ADGRG6: variants seen among roughly 807,000 people sequenced by gnomAD.
ADGRG6 encodes adhesion G protein-coupled receptor G6.
Under a neutral mutation model 142.4 loss-of-function variants are expected in ADGRG6, and 84 were observed. The ratio of observed to expected loss-of-function variants is 0.59; its 90% confidence interval spans 0.49 to 0.71. The LOEUF (loss-of-function observed/expected upper bound fraction) is 0.71, where lower values mean the gene tolerates loss of function less well. ADGRG6 is among the 30% of genes least tolerant of loss of function. The pLI, the probability that ADGRG6 is intolerant of heterozygous loss-of-function variation, is 0.00. For missense variants in ADGRG6, 1,367 were observed against 1,466.6 expected, an observed-to-expected ratio of 0.93 and a Z score of 1.11; for synonymous variants, 521 against 520.5, an observed-to-expected ratio of 1.00 and a Z score of -0.01.
chr6:142,398,942 TCCC>T (rs1438976920), intron 10 of ADGRG6, among the ~76,000 whole-genome samples: 1 of 152,152 alleles, frequency 6.6e-6, no homozygotes, highest in Non-Finnish European at 1.5e-5. Flanking sequence ...AACTCTTACT[TCCC>T]ACATATTTCC....
At chr6:142,408,987 G>C (rs948561797) in intron 16 of ADGRG6, among the ~76,000 whole-genome samples, 1 of 152,062 alleles carries the variant, frequency 6.6e-6, no homozygotes, top group East Asian at 1.9e-4. Flanking sequence ...CTTTGTTTCA[G>C]CCCCTTCATT....
At chr6:142,374,796 A>G (rs545948317) in intron 4 of ADGRG6, among the ~76,000 whole-genome samples, 1 of 152,332 alleles carries the variant, frequency 6.6e-6, no homozygotes, top group African/African-American at 2.4e-5. Flanking sequence ...TAATTGATTG[A>G]TAAGAACTAT....
intron 4 of ADGRG6, among the ~76,000 whole-genome samples, chr6:142,375,281 T>C (rs951287105): frequency 6.6e-6 from 1 of 152,218 alleles, no homozygotes; most frequent in Non-Finnish European, 1.5e-5. Flanking sequence ...AAAGTAATTT[T>C]GTCAAAAGGG....
Position 142,443,640 on chromosome 6 carries a change from TAAG to T in ADGRG6, c.*129_*131del. The T allele has an allele frequency of 1.7e-6, 1 of 578,960 alleles. No homozygotes were observed. Among genetic ancestry groups the T allele is most frequent in the South Asian group, 3.1e-5 (1 of 32,298 alleles). 35.9% of individuals were successfully genotyped at this position (578,960 alleles called of 1,614,324 possible). On this transcript the variant is annotated 3_prime_UTR_variant, in exon 25 of 25. Transcript: ENST00000367609. ...CATATATATAAGGAATGTATTTTGT[TAAG>T]AAGGCTTTTGTGAAATTCAGAATTT...
In ADGRG6 at chr6:142,398,891, A is replaced by G. The variant is rs138471047; in HGVS notation, c.1567+1136A>G. Among the ~76,000 whole-genome samples, 222 of 152,274 alleles carry G rather than the reference A, an allele frequency of 1.5e-3. 3 individuals are homozygous for G. Among genetic ancestry groups the G allele is most frequent in the African/African-American group, 5.0e-3 (209 of 41,552 alleles). On this transcript the variant is annotated intron_variant, in intron 10 of 24. Transcript: ENST00000367609. ...ATATATATATGTATATATTCTGTAA[A>G]CAATAATCTCTGACTTAAGATCATA... is the stretch of plus-strand genomic sequence containing the variant.
intron 22 of ADGRG6, among the ~76,000 whole-genome samples, chr6:142,423,544 C>T (rs1459837142): frequency 1.3e-5 from 2 of 149,620 alleles, no homozygotes; most frequent in Non-Finnish European, 1.5e-5. Context: ...TGTTTTGGTA[C>T]CAGTACCATG....
chr6:142,419,751 T>A (rs932726414), intron 21 of ADGRG6, 70 bp from the exon 22 acceptor site: 27 of 1,244,706 alleles, frequency 2.2e-5, no homozygotes, highest in Admixed American at 2.6e-5. Context: ...CAAACTAAGC[T>A]GAGAAAAGTC....
chr6:142,336,119 G>A (rs1243124798), intron 2 of ADGRG6, among the ~76,000 whole-genome samples: 2 of 152,144 alleles, frequency 1.3e-5, no homozygotes, highest in Non-Finnish European at 2.9e-5. Context: ...CTCTCTGTGT[G>A]CAGGTCTATG....
intron 2 of ADGRG6, among the ~76,000 whole-genome samples, chr6:142,346,081 T>C (rs1185041374): frequency 6.6e-6 from 1 of 152,178 alleles, no homozygotes; most frequent in Non-Finnish European, 1.5e-5. Flanking sequence ...GATAGTGGGC[T>C]GCCTTTAGGA....
intron 2 of ADGRG6, among the ~76,000 whole-genome samples, chr6:142,361,630 C>A (rs2114828211): frequency 6.6e-6 from 1 of 152,230 alleles, no homozygotes; most frequent in Middle Eastern, 3.4e-3. Context: ...AAGTTCTTAT[C>A]AACTGAGTTC....
chr6:142,331,605 A>G (rs1374831522), intron 2 of ADGRG6, among the ~76,000 whole-genome samples: 1 of 152,216 alleles, frequency 6.6e-6, no homozygotes, highest in African/African-American at 2.4e-5. Context: ...CCTGAAATGC[A>G]GTGTTATTTA....
intron 21 of ADGRG6, among the ~76,000 whole-genome samples, chr6:142,417,733 C>T (rs980249414): frequency 1.3e-5 from 2 of 152,042 alleles, no homozygotes; most frequent in Admixed American, 1.3e-4. Flanking sequence ...TGATTCATTG[C>T]CAATGGGAGT....
chr6:142,415,507 C>A (rs1562378706), intron 19 of ADGRG6, among the ~76,000 whole-genome samples: 3 of 151,952 alleles, frequency 2.0e-5, no homozygotes, highest in Non-Finnish European at 4.4e-5. Flanking sequence ...GTCATTCTTA[C>A]AACTCTAGAA....
Position 142,382,011 on chromosome 6 carries a change from T to C in ADGRG6, c.1130T>C (p.Leu377Pro), listed in dbSNP as rs1781794079. Residue 377 changes from leucine to proline, a missense_variant, in exon 5 of 25, where the codon CTC becomes CCC. Physicochemically the swap from Leu to Pro is moderately conservative, Grantham distance 98 (BLOSUM62 -3). Transcript: ENST00000367609. ...ELASCADLGTLCQATVNSPST... is the reference protein window; with the variant it reads ...ELASCADLGTPCQATVNSPST... ...GCCAGCTGTGCAGACCTGGGGACCC[T>C]CTGTCAAGGTAGGGAGCCCACACCG... The C allele has an allele frequency of 6.3e-7, 1 of 1,596,850 alleles. No homozygotes were observed. Among genetic ancestry groups the C allele is most frequent in the Non-Finnish European group, 8.6e-7 (1 of 1,168,000 alleles).
intron 19 of ADGRG6, 78 bp from the exon 20 acceptor site, chr6:142,415,718 C>T (rs1042034516): frequency 6.0e-5 from 59 of 987,120 alleles, no homozygotes; most frequent in African/African-American, 5.6e-4. Context: ...GTATAAGATA[C>T]GAATTTATAC....
rs933854206 is a variant in ADGRG6 at position 142,402,701 on chromosome 6, T to C, written c.1826T>C (p.Ile609Thr). 9 of 1,608,646 alleles carry C rather than the reference T, an allele frequency of 5.6e-6. No homozygotes were observed. The highest frequency in any genetic ancestry group is 2.7e-5 in the African/African-American group (2 of 74,782). The change falls in exon 13 of 25, where the codon ATT (isoleucine) becomes ACT (threonine). Residue 609 changes from isoleucine to threonine, a missense_variant. Coordinates refer to ENST00000367609, the MANE Select transcript of ADGRG6 (RefSeq NM_198569.3). ...QNLTSANITNIVEQVKRIVNK... is the reference protein window; with the variant it reads ...QNLTSANITNTVEQVKRIVNK... ...TTAACCTCAGCCAATATTACCAACA[T>C]TGTGGAACAGGTCAAAAGAATTGTG...
chr6:142,312,206 G>T (rs1298684909), intron 2 of ADGRG6, among the ~76,000 whole-genome samples: 1 of 152,014 alleles, frequency 6.6e-6, no homozygotes, highest in Non-Finnish European at 1.5e-5. Context: ...TCTTTTGGTT[G>T]TTACGATTGA....
chr6:142,372,608 T>C (rs997935116), intron 4 of ADGRG6, among the ~76,000 whole-genome samples: 19 of 152,208 alleles, frequency 1.2e-4, no homozygotes, highest in Non-Finnish European at 2.8e-4. Flanking sequence ...ACAACCCTGT[T>C]CCACAAGGGA....
intron 2 of ADGRG6, among the ~76,000 whole-genome samples, chr6:142,353,172 T>G (rs1176987276): frequency 6.6e-6 from 1 of 152,152 alleles, no homozygotes; most frequent in African/African-American, 2.4e-5. Flanking sequence ...AGGAAACAGA[T>G]AGCTAAAGGC....
Sources: gnomAD v4.1 joint callset for allele counts (sites outside exome capture counted in the v4.1 genomes callset) on GRCh38, gnomAD v4.1.1 for gene constraint, MANE v1.5 for transcripts, NCBI Gene and HGNC (gene_info 2026-07-23, HGNC 2026-07-21) for gene names.